Variants in UBASH3B observed in about 807,000 individuals in gnomAD.
The protein encoded by UBASH3B is ubiquitin associated and SH3 domain containing B, also known as ubiquitin-associated and SH3 domain-containing protein B.
Under a neutral mutation model 83.4 loss-of-function variants are expected in UBASH3B, and 37 were observed. The observed-to-expected ratio is 0.44, with a 90% confidence interval of 0.34 to 0.58. UBASH3B has a LOEUF of 0.58. Ranked by LOEUF, UBASH3B falls within the 20% of genes least tolerant of loss-of-function variation. The pLI, the probability that UBASH3B is intolerant of heterozygous loss-of-function variation, is 0.01. For missense variants in UBASH3B, 657 were observed against 827.2 expected, an observed-to-expected ratio of 0.79 and a Z score of 2.52; for synonymous variants, 304 against 318.3, an observed-to-expected ratio of 0.96 and a Z score of 0.48.
chr11:122,718,814 T>G (rs1395950740), intron 1 of UBASH3B, among the ~76,000 whole-genome samples: 1 of 152,120 alleles, frequency 6.6e-6, no homozygotes, highest in East Asian at 1.9e-4. Context: ...CCACGTGACT[T>G]GGGCAACAGA....
intron 13 of UBASH3B, 124 bp from the exon 14 acceptor site, chr11:122,809,625 C>A: frequency 1.0e-6 from 1 of 982,756 alleles, no homozygotes; most frequent in Non-Finnish European, 1.5e-6. Flanking sequence ...TGCATTTCTA[C>A]AAAGCCACTA....
Position 122,736,776 on chromosome 11 carries a change from G to A in UBASH3B, c.162-39443G>A, listed in dbSNP as rs182663925. ...AGATTTAAGGATCGGGAAGCCAGGCGTGGTGGTTCACACCCGCAATCTCAG... is the reference window on the plus strand; with the variant it reads ...AGATTTAAGGATCGGGAAGCCAGGCATGGTGGTTCACACCCGCAATCTCAG... On this transcript the variant is annotated intron_variant, in intron 1 of 13. Coordinates refer to ENST00000284273, the MANE Select transcript of UBASH3B (RefSeq NM_032873.5). Among the ~76,000 whole-genome samples, 81 of 152,208 alleles carry A rather than the reference G, an allele frequency of 5.3e-4. No individual in the cohort carries two copies. In the East Asian group the frequency reaches 7.5e-3, roughly 14 times the overall value.
At chr11:122,769,269 A>C (rs919690700) in intron 1 of UBASH3B, among the ~76,000 whole-genome samples, 1 of 152,176 alleles carries the variant, frequency 6.6e-6, no homozygotes, top group Non-Finnish European at 1.5e-5. Context: ...GCTCCCGTGA[A>C]AACAAAGAGT....
intron 9 of UBASH3B, 40 bp from the exon 10 acceptor site, chr11:122,798,902 T>A: frequency 6.3e-7 from 1 of 1,583,866 alleles, no homozygotes; most frequent in South Asian, 1.1e-5. Flanking sequence ...TGAGACTGAG[T>A]AAATCCATCA....
intron 1 of UBASH3B, among the ~76,000 whole-genome samples, chr11:122,763,760 T>C (rs1232013459): frequency 6.6e-6 from 1 of 152,222 alleles, no homozygotes; most frequent in Admixed American, 6.5e-5. Flanking sequence ...GTCTTTGTGA[T>C]CAATATATCT....
intron 1 of UBASH3B, among the ~76,000 whole-genome samples, chr11:122,718,460 C>T (rs1193072685): frequency 1.3e-5 from 2 of 152,120 alleles, no homozygotes; most frequent in African/African-American, 2.4e-5. Context: ...AATCTGCCAT[C>T]TCCAGCCGTG....
intron 11 of UBASH3B, among the ~76,000 whole-genome samples, chr11:122,802,765 C>T (rs968689635): frequency 6.6e-6 from 1 of 152,130 alleles, no homozygotes; most frequent in African/African-American, 2.4e-5. Context: ...GTTCTATCCC[C>T]TCTCTGGCCA....
Position 122,758,842 on chromosome 11 carries a change from C to T in UBASH3B, c.162-17377C>T, listed in dbSNP as rs564523156. Reference sequence around the variant, plus strand: ...TGGGATTGGGATCTTCCATCTCTTGCATTAAATGCCTAGGTTACCCTTTAG... The same window carrying T: ...TGGGATTGGGATCTTCCATCTCTTGTATTAAATGCCTAGGTTACCCTTTAG... On this transcript the variant is annotated intron_variant, in intron 1 of 13. Coordinates refer to ENST00000284273, the MANE Select transcript of UBASH3B (RefSeq NM_032873.5). The surrounding 1 kb of genome is among the most constrained non-coding windows in gnomAD (Gnocchi z 4.2). Among the ~76,000 whole-genome samples the T allele has an allele frequency of 1.7e-4, 26 of 152,342 alleles. No homozygotes were observed. Among genetic ancestry groups the T allele is most frequent in the Non-Finnish European group, 3.2e-4 (22 of 68,038 alleles).
chr11:122,699,573 C>CTTTCTTTCT lies in UBASH3B; in HGVS notation c.161+43366_161+43367insCTTTCTTTT, dbSNP rs1565533670. On this transcript the variant is annotated intron_variant, in intron 1 of 13. Transcript: ENST00000284273. ...TCTTTCTTTCTTTCTTTCTTTCTTT[C>CTTTCTTTCT]TTTTCTTTCTTTCCTTTCTTTTTTT... Among the ~76,000 whole-genome samples, 4 of 86,172 alleles carry CTTTCTTTCT rather than the reference C, an allele frequency of 4.6e-5. No individual in the cohort carries two copies. The East Asian group carries it at 1.3e-3, about 29-fold the overall frequency. 56.5% of individuals were successfully genotyped at this position (86,172 alleles called of 152,430 possible). A position where few individuals can be genotyped will look rare whatever the true frequency, so the allele number is the denominator to read the frequency against.
At chr11:122,678,265 G>C (rs1863692680) in intron 1 of UBASH3B, among the ~76,000 whole-genome samples, 1 of 152,188 alleles carries the variant, frequency 6.6e-6, no homozygotes, top group Non-Finnish European at 1.5e-5. Flanking sequence ...CTATGTGACT[G>C]AATGGTGGGA....
At chr11:122,787,567 T>C (rs1860977183) in intron 5 of UBASH3B, among the ~76,000 whole-genome samples, 1 of 152,202 alleles carries the variant, frequency 6.6e-6, no homozygotes, top group Non-Finnish European at 1.5e-5. Context: ...TAACATGTTC[T>C]GGTGTATCAC....
chr11:122,757,130 A>G (rs1191702373), intron 1 of UBASH3B, among the ~76,000 whole-genome samples: 1 of 152,216 alleles, frequency 6.6e-6, no homozygotes, highest in Non-Finnish European at 1.5e-5. Flanking sequence ...ACTTACTGTC[A>G]CACCAAGGGA....
intron 1 of UBASH3B, among the ~76,000 whole-genome samples, chr11:122,657,954 T>C (rs1863385879): frequency 6.6e-6 from 1 of 152,040 alleles, no homozygotes; most frequent in Admixed American, 6.6e-5. Flanking sequence ...GGCAGCCGGA[T>C]CACTTGAGAT....
Position 122,783,056 on chromosome 11 carries a change from T to C in UBASH3B, c.605T>C (p.Val202Ala). The change falls in exon 5 of 14, where the codon GTG becomes GCG. Residue 202 changes from valine (V) to alanine (A), a missense_variant. Transcript: ENST00000284273. ...ACCTTTTTCTTCCTTTTTCCAGAAG[T>C]GCATGTGGAACCTCATAAGAAGCAG... ...FAAEAASKTE[V>A]HVEPHKKQLH... is the part of the protein sequence containing the mutation. 1.2e-6 allele frequency: 2 copies of C among 1,611,450 alleles called. No individual in the cohort carries two copies. Among genetic ancestry groups the C allele is most frequent in the East Asian group, 2.2e-5 (1 of 44,852 alleles).
chr11:122,759,335 G>A lies in UBASH3B; in HGVS notation c.162-16884G>A, dbSNP rs1283825722. ...GCAGGAAAGCGAGTCATTTAGAGCA[G>A]TGGTCCCCAATCTTTTTGGCACCAG... On this transcript the variant is annotated intron_variant, in intron 1 of 13. Transcript: ENST00000284273. The surrounding 1 kb of genome is among the most constrained non-coding windows in gnomAD (Gnocchi z 4.1). 6.6e-6 allele frequency among the ~76,000 whole-genome samples: 1 copy of A among 152,232 alleles called. No individual in the cohort carries two copies. The highest frequency in any genetic ancestry group is 2.4e-5 in the African/African-American group (1 of 41,460).
At chr11:122,710,065 A>C (rs1182310200) in intron 1 of UBASH3B, among the ~76,000 whole-genome samples, 2 of 150,584 alleles carry the variant, frequency 1.3e-5, no homozygotes, top group Non-Finnish European at 3.0e-5. Flanking sequence ...CTGAGGCAGG[A>C]GAATTGCTTG....
intron 1 of UBASH3B, among the ~76,000 whole-genome samples, chr11:122,743,799 G>A (rs1027042342): frequency 5.3e-5 from 8 of 152,242 alleles, no homozygotes; most frequent in South Asian, 4.1e-4. Flanking sequence ...GCAAGGTGGC[G>A]TGGCAGGCAC....
rs538855710 is a variant in UBASH3B, at chr11:122,725,448, A to G, written c.162-50771A>G. ...AGAGGGCCCAACCTTAACCGTGGTC[A>G]GGAGGCAAGGGTTTGGAAAATGTGG... On this transcript the variant is annotated intron_variant, in intron 1 of 13. Coordinates refer to ENST00000284273, the MANE Select transcript of UBASH3B (RefSeq NM_032873.5). Among the ~76,000 whole-genome samples, 3 of 152,150 alleles carry G rather than the reference A, an allele frequency of 2.0e-5. No homozygotes were observed. In the South Asian group the frequency reaches 6.2e-4, roughly 32 times the overall value.
At chr11:122,739,923 G>T (rs1860997465) in intron 1 of UBASH3B, among the ~76,000 whole-genome samples, 1 of 152,130 alleles carries the variant, frequency 6.6e-6, no homozygotes, top group Non-Finnish European at 1.5e-5. Context: ...CTTTTATCCT[G>T]TCTTCTATGA....
Sources: allele counts gnomAD v4.1 joint callset (sites outside exome capture counted in the v4.1 genomes callset), GRCh38; gene constraint gnomAD v4.1.1; non-coding constraint Gnocchi (gnomAD v3.1); transcripts MANE v1.5; gene names NCBI Gene and HGNC (gene_info 2026-07-23, HGNC 2026-07-21).